FCHO2: variants seen among roughly 807,000 people sequenced by gnomAD.
FCHO2 encodes F-BAR domain only protein 2.
A neutral mutation model predicts 114.1 loss-of-function variants in FCHO2; 43 were observed. The observed-to-expected ratio is 0.38, with a 90% CI of 0.30 to 0.49. The LOEUF is 0.49. FCHO2 is among the 20% of genes least tolerant of loss of function. The pLI is 0.97. For synonymous variants in FCHO2, 293 were observed against 315.2 expected, an observed-to-expected ratio of 0.93 and a Z score of 0.75; for missense variants, 807 against 950.4, an observed-to-expected ratio of 0.85 and a Z score of 1.98.
At chr5:72,981,726 C>T (rs1426603582) in intron 2 of FCHO2, among the ~76,000 whole-genome samples, 1 of 152,174 alleles carries the variant, frequency 6.6e-6, no homozygotes, top group Admixed American at 6.5e-5. Flanking sequence ...CTTTCTTCCA[C>T]TTGATCGATT....
chr5:72,971,163 A>G (rs374864989), intron 2 of FCHO2, among the ~76,000 whole-genome samples: 2,471 of 150,086 alleles, frequency 0.016, 44 homozygotes, highest in Middle Eastern at 0.028. Context: ...ATAAACATAC[A>G]TATGCATGTG....
At chr5:73,032,883 T>C (rs2112789859) in intron 8 of FCHO2, among the ~76,000 whole-genome samples, 1 of 152,310 alleles carries the variant, frequency 6.6e-6, no homozygotes, top group Non-Finnish European at 1.5e-5. Flanking sequence ...TTTCTCAAGC[T>C]TTATTAGTAC....
At chr5:73,023,295 G>A (rs1431253813) in intron 8 of FCHO2, among the ~76,000 whole-genome samples, 2 of 152,204 alleles carry the variant, frequency 1.3e-5, no homozygotes, top group Non-Finnish European at 2.9e-5. Flanking sequence ...AGAAATAACA[G>A]TTTAAGAGGC....
intron 22 of FCHO2, among the ~76,000 whole-genome samples, chr5:73,080,298 TAAG>T (rs1407921507): frequency 1.3e-5 from 2 of 152,242 alleles, no homozygotes; most frequent in African/African-American, 2.4e-5. Flanking sequence ...TATCCAGTAT[TAAG>T]AAGGTTATGA....
intron 2 of FCHO2, among the ~76,000 whole-genome samples, chr5:72,975,323 T>A (rs1445312557): frequency 6.6e-6 from 1 of 151,716 alleles, no homozygotes; most frequent in Non-Finnish European, 1.5e-5. Flanking sequence ...ATACATTATC[T>A]GATTGATTGA....
chr5:73,085,777 A>AAAAT lies in FCHO2; in HGVS notation c.2246-1765_2246-1762dup, dbSNP rs144379859. Among the ~76,000 whole-genome samples the AAAAT allele has an allele frequency of 8.7e-3, 1,221 of 140,220 alleles. 15 individuals carry two copies. Among genetic ancestry groups the AAAAT allele is most frequent in the African/African-American group, 0.016 (586 of 37,276 alleles). The allele number at this position is 140,220 out of a possible 152,430, so 92.0% of individuals were successfully genotyped here. On this transcript the variant is annotated intron_variant, in intron 24 of 25. Coordinates refer to ENST00000430046, the MANE Select transcript of FCHO2 (RefSeq NM_138782.3). The stretch of plus-strand genomic sequence containing the variant: ...GCCTTAGAGGGAGACTCTGTCTCAA[A>AAAAT]AAATAAATAAATAAATAAATAAATA...
At chr5:73,046,755 C>G (rs1757079335) in intron 11 of FCHO2, among the ~76,000 whole-genome samples, 1 of 152,140 alleles carries the variant, frequency 6.6e-6, no homozygotes, top group Admixed American at 6.5e-5. Context: ...AAAATATGGC[C>G]TTTGTCATCT....
rs764084538 is a variant in FCHO2 at position 73,081,812 on chromosome 5, T to C, written c.2010T>C (p.Pro670=). 10 of 1,594,644 alleles carry C rather than the reference T, an allele frequency of 6.3e-6. No homozygotes were observed. The South Asian group carries it at 1.0e-4, about 16-fold the overall frequency. The change falls in exon 23 of 26, where the codon CCT becomes CCC. Residue 670 remains proline, a synonymous_variant. Transcript: ENST00000430046. The stretch of plus-strand genomic sequence containing the variant: ...CATCAAATGGTATTCAGTCCACTCC[T>C]CTGAATCTTGCAACATACTGGAAAT... The part of the protein sequence containing the change: ...QVSSNGIQST[P]LNLATYWKCS...
chr5:72,996,873 CCGGGGCCGG>C lies in FCHO2; in HGVS notation c.495+6020_495+6028del, dbSNP rs981252937. ...TGGCGGAGCTGTGCCACGGGGGCCCCCGGGGCCGGCGGGGCCGGCAGAGCAGGCAGTGCC... is the reference window on the plus strand; with the variant it reads ...TGGCGGAGCTGTGCCACGGGGGCCCCCGGGGCCGGCAGAGCAGGCAGTGCC... On this transcript the variant is annotated intron_variant, in intron 5 of 25. Transcript: ENST00000430046. 3.5e-5 allele frequency: 51 copies of C among 1,456,834 alleles called. 1 individual carries two copies. The Admixed American group carries it at 5.4e-4, about 15-fold the overall frequency. 90.2% of individuals were successfully genotyped at this position (1,456,834 alleles called of 1,614,324 possible). A position where few individuals can be genotyped will look rare whatever the true frequency, so the allele number is the denominator to read the frequency against.
chr5:73,081,380 G>A (rs548839518), intron 22 of FCHO2, among the ~76,000 whole-genome samples: 15 of 152,074 alleles, frequency 9.9e-5, no homozygotes, highest in East Asian at 1.9e-4. Context: ...CTTTTTTCTC[G>A]TGTTCTAAAT....
At chr5:73,042,654 G>A (rs1756859743) in intron 11 of FCHO2, among the ~76,000 whole-genome samples, 1 of 152,090 alleles carries the variant, frequency 6.6e-6, no homozygotes, top group Non-Finnish European at 1.5e-5. Context: ...CGTTATAAAA[G>A]GATTTGAATT....
At chr5:72,997,585 G>T in intron 5 of FCHO2, 1 of 1,356,366 alleles carries the variant, frequency 7.4e-7, no homozygotes, top group Non-Finnish European at 1.1e-6. Flanking sequence ...ATGCCCTCAG[G>T]TTCACCGCTG....
intron 6 of FCHO2, among the ~76,000 whole-genome samples, chr5:73,007,608 C>T (rs999614443): frequency 8.5e-5 from 13 of 152,084 alleles, no homozygotes; most frequent in African/African-American, 2.4e-4. Context: ...TCTTAGAAAG[C>T]GAAGTCTTGC....
intron 2 of FCHO2, among the ~76,000 whole-genome samples, chr5:72,985,443 T>A (rs1375825866): frequency 2.6e-5 from 4 of 152,106 alleles, no homozygotes; most frequent in Admixed American, 2.0e-4. Context: ...ATTACAGACA[T>A]GAGCCACCAC....
At chr5:73,077,712 T>C (rs1182862917) in intron 21 of FCHO2, among the ~76,000 whole-genome samples, 10 of 152,040 alleles carry the variant, frequency 6.6e-5, no homozygotes, top group African/African-American at 1.9e-4. Context: ...TAGCTGGGCA[T>C]GATGGTGCGT....
chr5:73,023,521 G>A (rs941070703), intron 8 of FCHO2, among the ~76,000 whole-genome samples: 7 of 152,070 alleles, frequency 4.6e-5, no homozygotes, highest in African/African-American at 1.7e-4. Flanking sequence ...GACCAACATA[G>A]TGAAACTCCA....
intron 8 of FCHO2, chr5:73,021,297 T>A: frequency 4.1e-6 from 2 of 485,004 alleles, no homozygotes. Flanking sequence ...GGGGAGCTCC[T>A]ATGGGTGCAG....
At chr5:73,046,942 C>A (rs1287609770) in intron 11 of FCHO2, among the ~76,000 whole-genome samples, 2 of 152,170 alleles carry the variant, frequency 1.3e-5, no homozygotes, top group Non-Finnish European at 2.9e-5. Flanking sequence ...CTTCACAGTT[C>A]TTCATATCTT....
intron 5 of FCHO2, among the ~76,000 whole-genome samples, chr5:73,002,803 A>C (rs1224374901): frequency 1.3e-5 from 2 of 152,206 alleles, no homozygotes; most frequent in African/African-American, 4.8e-5. Context: ...TTTTTCTTGG[A>C]GAGCCAAGAC....
Sources: allele counts gnomAD v4.1 joint callset (sites outside exome capture counted in the v4.1 genomes callset), GRCh38; gene constraint gnomAD v4.1.1; transcripts MANE v1.5; gene names NCBI Gene and HGNC (gene_info 2026-07-23, HGNC 2026-07-21).